The following SEC23B variants were observed in gnomAD, a reference collection of about 807,000 sequenced individuals.
SEC23B encodes protein transport protein Sec23B.
Under a neutral mutation model 104.3 loss-of-function variants are expected in SEC23B, and 77 were observed. The ratio of observed to expected loss-of-function variants is 0.74; its 90% confidence interval spans 0.61 to 0.89. The LOEUF (loss-of-function observed/expected upper bound fraction) is 0.89, where lower values mean the gene tolerates loss of function less well. Ranked by LOEUF, SEC23B falls within the 40% of genes least tolerant of loss-of-function variation. The pLI is 0.00. For synonymous variants in SEC23B, 338 were observed against 332.5 expected, an observed-to-expected ratio of 1.02 and a Z score of -0.18; for missense variants, 885 against 949.4, an observed-to-expected ratio of 0.93 and a Z score of 0.89.
chr20:18,526,417 A>G lies in SEC23B; in HGVS notation c.879A>G (p.Gly293=). 1 of 1,614,206 alleles carries G rather than the reference A, an allele frequency of 6.2e-7. No individual in the cohort carries two copies. Among genetic ancestry groups the G allele is most frequent in the Non-Finnish European group, 8.5e-7 (1 of 1,180,032 alleles). Residue 293 remains glycine (G), a synonymous_variant, in exon 8 of 20, where the codon GGA becomes GGG. Transcript: ENST00000650089. ...NTGARIMLFT[G]GPPTQGPGMV... ...GAGCCAGGATCATGCTGTTTACTGG[A>G]GGTCCCCCTACCCAAGGGCCTGGCA...
At chr20:18,510,269 G>A (rs6075351) in intron 1 of SEC23B, among the ~76,000 whole-genome samples, 103,497 of 152,020 alleles carry the variant, frequency 0.68, 36,669 homozygotes, top group Non-Finnish European at 0.8. Context: ...AAGTAGTAGT[G>A]TTTAACTACA....
At chr20:18,544,154 A>C (rs2060312450) in intron 14 of SEC23B, among the ~76,000 whole-genome samples, 1 of 152,182 alleles carries the variant, frequency 6.6e-6, no homozygotes, top group Admixed American at 6.5e-5. Context: ...CAAGGCAATA[A>C]ATCAATAATT....
intron 4 of SEC23B, among the ~76,000 whole-genome samples, chr20:18,519,177 G>T (rs1387220312): frequency 6.6e-6 from 1 of 152,104 alleles, no homozygotes; most frequent in Non-Finnish European, 1.5e-5. Flanking sequence ...TAGGAAAGAA[G>T]GAAATATGAG....
intron 3 of SEC23B, among the ~76,000 whole-genome samples, chr20:18,515,129 A>G (rs1399096048): frequency 6.6e-6 from 1 of 152,234 alleles, no homozygotes; most frequent in Non-Finnish European, 1.5e-5. Flanking sequence ...CCTGGGCAAC[A>G]TAAAGTGTGC....
intron 17 of SEC23B, among the ~76,000 whole-genome samples, chr20:18,552,967 T>G (rs6132077): frequency 0.68 from 103,551 of 152,084 alleles, 36,689 homozygotes; most frequent in Non-Finnish European, 0.8. Flanking sequence ...GGGACTTGAG[T>G]ATCTATGGAA....
chr20:18,552,588 C>T (rs1244131718), intron 17 of SEC23B, among the ~76,000 whole-genome samples: 1 of 152,072 alleles, frequency 6.6e-6, no homozygotes, highest in Non-Finnish European at 1.5e-5. Context: ...CCGAGGTGGG[C>T]GGATCATCTG....
At chr20:18,557,745 CTTTTTTTTT>C (rs11477198) in intron 19 of SEC23B, among the ~76,000 whole-genome samples, 1 of 116,824 alleles carries the variant, frequency 8.6e-6, no homozygotes, top group South Asian at 2.8e-4. Flanking sequence ...TTTTTCTTTT[CTTTTTTTTT>C]TTTTTTTGTT....
At chr20:18,553,364 C>T (rs1237843508) in intron 17 of SEC23B, among the ~76,000 whole-genome samples, 6 of 152,232 alleles carry the variant, frequency 3.9e-5, no homozygotes, top group African/African-American at 1.2e-4. Context: ...TGAGAATCCT[C>T]TGCCTGGAGC....
chr20:18,543,486 G>C lies in SEC23B; in HGVS notation c.1665+314G>C, dbSNP rs73260739. 3.9e-3 allele frequency among the ~76,000 whole-genome samples: 591 copies of C among 152,312 alleles called. 6 individuals carry two copies. Among genetic ancestry groups the C allele is most frequent in the African/African-American group, 0.013 (560 of 41,562 alleles). ...TGTATTTTTCTTCTAAATCTGGAAAGTGGTTTTGGAAATAGGGATCCAGCC... is the reference window on the plus strand; with the variant it reads ...TGTATTTTTCTTCTAAATCTGGAAACTGGTTTTGGAAATAGGGATCCAGCC... On this transcript the variant is annotated intron_variant, in intron 14 of 19. Coordinates refer to ENST00000650089, the MANE Select transcript of SEC23B (RefSeq NM_006363.6).
At chr20:18,521,727 G>T (rs181527403) in intron 4 of SEC23B, among the ~76,000 whole-genome samples, 1 of 152,046 alleles carries the variant, frequency 6.6e-6, no homozygotes, top group Non-Finnish European at 1.5e-5. Flanking sequence ...AGATGAGTCC[G>T]TAGAAAAGGA....
chr20:18,510,552 G>A (rs1052238568), intron 1 of SEC23B, among the ~76,000 whole-genome samples: 1 of 152,178 alleles, frequency 6.6e-6, no homozygotes, highest in African/African-American at 2.4e-5. Context: ...ATCACCTGAG[G>A]TCAGGAGTTT....
At chr20:18,551,380 C>T (rs1219625126) in intron 17 of SEC23B, among the ~76,000 whole-genome samples, 4 of 151,872 alleles carry the variant, frequency 2.6e-5, no homozygotes, top group African/African-American at 9.7e-5. Context: ...CTAGTAAATC[C>T]CTGGAGTATT....
intron 15 of SEC23B, among the ~76,000 whole-genome samples, chr20:18,546,808 C>T (rs1349763778): frequency 6.6e-6 from 1 of 151,932 alleles, no homozygotes; most frequent in African/African-American, 2.4e-5. Context: ...AGTGCTGGCT[C>T]CGCAGGGGCT....
intron 19 of SEC23B, among the ~76,000 whole-genome samples, chr20:18,559,481 G>A (rs939778008): frequency 2.0e-5 from 3 of 152,178 alleles, no homozygotes; most frequent in Admixed American, 2.0e-4. Context: ...CTTGGTGGGA[G>A]TATTAGGGTG....
At chr20:18,509,850 T>A (rs1304509796) in intron 1 of SEC23B, 1 of 152,150 alleles carries the variant, frequency 6.6e-6, no homozygotes, top group Non-Finnish European at 1.5e-5. Context: ...CCTCCCAAAG[T>A]GCTGCGAGTA....
intron 6 of SEC23B, among the ~76,000 whole-genome samples, chr20:18,525,491 C>T (rs1268352887): frequency 6.6e-6 from 1 of 152,200 alleles, no homozygotes; most frequent in East Asian, 1.9e-4. Flanking sequence ...TCATGTTAGG[C>T]ATGTCCTTAG....
At position 18,560,768 on chromosome 20, in the gene SEC23B, G is replaced by T; in HGVS notation, c.*28G>T. 1 of 1,528,232 alleles carries T rather than the reference G, an allele frequency of 6.5e-7. No individual in the cohort carries two copies. The highest frequency in any genetic ancestry group is 1.7e-5 in the Admixed American group (1 of 59,888). The allele number at this position is 1,528,232 out of a possible 1,614,324, so 94.7% of individuals were successfully genotyped here. ...TGAGGATACAACCAGGAAATGCAAC[G>T]GTGTCAGATTGTGTTCAAAATGTCT... On this transcript the variant is annotated 3_prime_UTR_variant, in exon 20 of 20. Coordinates refer to ENST00000650089, the MANE Select transcript of SEC23B (RefSeq NM_006363.6).
intron 4 of SEC23B, 99 bp from the exon 5 acceptor site, chr20:18,524,334 T>G (rs891342746): frequency 8.2e-6 from 7 of 856,018 alleles, no homozygotes; most frequent in Non-Finnish European, 1.4e-5. Flanking sequence ...AAACTAAATA[T>G]AGATGAAGAC....
Position 18,511,215 on chromosome 20 carries a change from G to A in SEC23B, c.221+159G>A, listed in dbSNP as rs564238712. 3.8e-4 allele frequency among the ~76,000 whole-genome samples: 58 copies of A among 152,292 alleles called. No homozygotes were observed. The highest frequency in any genetic ancestry group is 1.3e-3 in the African/African-American group (55 of 41,556). On this transcript the variant is annotated intron_variant, in intron 2 of 19. Coordinates refer to ENST00000650089, the MANE Select transcript of SEC23B (RefSeq NM_006363.6). ...CGATTCTTGTGGTGAGTAGTAAGTG[G>A]TGAATATTTGTAGAAATCTCCCTGG...
Sources: allele counts gnomAD v4.1 joint callset (sites outside exome capture counted in the v4.1 genomes callset), GRCh38; gene constraint gnomAD v4.1.1; transcripts MANE v1.5; gene names NCBI Gene and HGNC (gene_info 2026-07-23, HGNC 2026-07-21).